DYNC1I1: variants seen among roughly 807,000 people sequenced by gnomAD.
DYNC1I1 encodes dynein cytoplasmic 1 intermediate chain 1.
A neutral mutation model predicts 86.6 loss-of-function variants in DYNC1I1; 43 were observed. The observed-to-expected ratio is 0.50, with a 90% CI of 0.39 to 0.64. The LOEUF is 0.64. DYNC1I1 is among the 30% of genes least tolerant of loss of function. The pLI, the probability that DYNC1I1 is intolerant of heterozygous loss-of-function variation, is 0.00. For missense variants in DYNC1I1, 604 were observed against 788.8 expected (o/e 0.77, Z 2.81); for synonymous variants, 262 against 283.7 (o/e 0.92, Z 0.77).
intron 8 of DYNC1I1, 35 bp downstream of exon 8, chr7:95,985,012 G>GT (rs1254022443): frequency 3.8e-6 from 6 of 1,597,250 alleles, no homozygotes; most frequent in African/African-American, 1.4e-5. Context: ...AAAAAATAGC[G>GT]TAAGTTATCT....
chr7:95,818,375 C>G (rs1562905781), intron 4 of DYNC1I1: 2 of 493,978 alleles, frequency 4.0e-6, no homozygotes, highest in East Asian at 6.1e-5. Context: ...AATCTTAGCT[C>G]AATGAAGCCT....
chr7:95,938,152 C>T (rs1438309852), intron 6 of DYNC1I1, among the ~76,000 whole-genome samples: 1 of 152,178 alleles, frequency 6.6e-6, no homozygotes, highest in Non-Finnish European at 1.5e-5. Flanking sequence ...AGATTTTCCT[C>T]TCATTTGCAT....
At chr7:95,968,789 AG>A (rs2115565697) in intron 6 of DYNC1I1, among the ~76,000 whole-genome samples, 1 of 151,860 alleles carries the variant, frequency 6.6e-6, no homozygotes, top group Non-Finnish European at 1.5e-5. Context: ...CAAGCAGCCA[AG>A]AATTGCATCT....
chr7:95,797,486 A>G (rs1332364437), intron 1 of DYNC1I1, among the ~76,000 whole-genome samples: 2 of 152,240 alleles, frequency 1.3e-5, no homozygotes, highest in Non-Finnish European at 2.9e-5. Context: ...ATTTTCAGAT[A>G]TAATATAATG....
intron 14 of DYNC1I1, among the ~76,000 whole-genome samples, chr7:96,047,452 G>A (rs936189131): frequency 3.9e-5 from 6 of 152,188 alleles, no homozygotes; most frequent in Non-Finnish European, 5.9e-5. Flanking sequence ...GTGCTGAGGC[G>A]TGAGAACAGG....
chr7:96,075,431 C>G lies in DYNC1I1; in HGVS notation c.1510-626C>G, dbSNP rs1008635447. Among the ~76,000 whole-genome samples the G allele has an allele frequency of 5.9e-5, 9 of 152,170 alleles. No homozygotes were observed. The East Asian group carries it at 1.7e-3, about 29-fold the overall frequency. On this transcript the variant is annotated intron_variant, in intron 14 of 16. Transcript: ENST00000447467. Reference sequence around the variant, plus strand: ...AGTTCAACTGATTGGGGTGAGCTGACCCTATGCAGAGAGACTAAAGGCGTA... The same window carrying G: ...AGTTCAACTGATTGGGGTGAGCTGAGCCTATGCAGAGAGACTAAAGGCGTA...
At chr7:95,846,947 G>C (rs1194992913) in intron 5 of DYNC1I1, among the ~76,000 whole-genome samples, 1 of 152,066 alleles carries the variant, frequency 6.6e-6, no homozygotes, top group Non-Finnish European at 1.5e-5. Flanking sequence ...TGGCTCCCAG[G>C]TCCTCATTTT....
chr7:95,932,252 G>A (rs951531792), intron 6 of DYNC1I1, among the ~76,000 whole-genome samples: 1 of 152,120 alleles, frequency 6.6e-6, no homozygotes, highest in African/African-American at 2.4e-5. Flanking sequence ...AATAAAAACT[G>A]GCAAAAGTCT....
chr7:95,975,035 C>T (rs1480000153), intron 6 of DYNC1I1, among the ~76,000 whole-genome samples: 2 of 152,100 alleles, frequency 1.3e-5, no homozygotes, highest in East Asian at 1.9e-4. Flanking sequence ...GAACTTGAAG[C>T]GGGATGTGGT....
intron 16 of DYNC1I1, among the ~76,000 whole-genome samples, chr7:96,090,117 T>C (rs1790797718): frequency 1.3e-5 from 2 of 152,044 alleles, no homozygotes; most frequent in South Asian, 2.1e-4. Context: ...TTCCAAATAG[T>C]AGGGAAAAAA....
chr7:95,872,410 A>G (rs1259547859), intron 6 of DYNC1I1, among the ~76,000 whole-genome samples: 1 of 152,192 alleles, frequency 6.6e-6, no homozygotes, highest in African/African-American at 2.4e-5. Context: ...ATGATAATCA[A>G]ACTAATGATC....
At chr7:96,070,373 G>A (rs980981253) in intron 14 of DYNC1I1, among the ~76,000 whole-genome samples, 3 of 152,070 alleles carry the variant, frequency 2.0e-5, no homozygotes, top group Admixed American at 6.6e-5. Context: ...TTTTAAAAGC[G>A]ATATTGTGGT....
chr7:96,037,719 A>G (rs772778597), intron 13 of DYNC1I1, among the ~76,000 whole-genome samples: 2 of 152,210 alleles, frequency 1.3e-5, no homozygotes, highest in Non-Finnish European at 2.9e-5. Context: ...TCTAAGCACT[A>G]TCAGAATATG....
intron 6 of DYNC1I1, among the ~76,000 whole-genome samples, chr7:95,954,864 C>G (rs950850478): frequency 6.6e-5 from 9 of 135,526 alleles, no homozygotes; most frequent in Admixed American, 5.4e-4. Context: ...TGCAGTGAGC[C>G]GAGATCGCAC....
At chr7:95,943,200 A>G (rs2116453581) in intron 6 of DYNC1I1, among the ~76,000 whole-genome samples, 1 of 151,906 alleles carries the variant, frequency 6.6e-6, no homozygotes, top group East Asian at 2.0e-4. Flanking sequence ...TCAATGTACA[A>G]AAATCACAAG....
intron 10 of DYNC1I1, among the ~76,000 whole-genome samples, chr7:96,001,766 G>A (rs1005402459): frequency 2.0e-5 from 3 of 151,902 alleles, no homozygotes; most frequent in Admixed American, 1.3e-4. Flanking sequence ...CTACCGTTAT[G>A]ACCTCATAAC....
Position 96,025,239 on chromosome 7 carries a change from T to C in DYNC1I1, c.970-2936T>C, listed in dbSNP as rs751647388. 3.6e-4 allele frequency among the ~76,000 whole-genome samples: 55 copies of C among 152,152 alleles called. 2 individuals are homozygous for C. Among genetic ancestry groups the C allele is most frequent in the Non-Finnish European group, 7.4e-5 (5 of 68,012 alleles). On this transcript the variant is annotated intron_variant, in intron 10 of 16. Coordinates refer to ENST00000447467, the MANE Select transcript of DYNC1I1 (RefSeq NM_001135556.2). ...GTTAGCATTTTTACATGAATGATAG[T>C]GCATAGTGTGGTGTACCCTGGAGAC...
chr7:95,850,285 G>A (rs574386805), intron 5 of DYNC1I1, among the ~76,000 whole-genome samples: 2 of 152,256 alleles, frequency 1.3e-5, no homozygotes, highest in Admixed American at 6.5e-5. Context: ...CCTTGTACCA[G>A]ATCTTTAAGG....
At chr7:95,818,647 A>AG in intron 4 of DYNC1I1, 1 of 493,524 alleles carries the variant, frequency 2.0e-6, no homozygotes, top group South Asian at 4.0e-5. Context: ...TGCCCAGCCT[A>AG]AAAATCTCTT....
Sources: allele counts gnomAD v4.1 joint callset (sites outside exome capture counted in the v4.1 genomes callset), GRCh38; gene constraint gnomAD v4.1.1; transcripts MANE v1.5; gene names NCBI Gene and HGNC (gene_info 2026-07-23, HGNC 2026-07-21).